CD8B2: variants seen among roughly 807,000 people sequenced by gnomAD.
CD8B2 encodes the protein T-cell surface glycoprotein CD8 beta-2 chain.
Under a neutral mutation model 23.7 loss-of-function variants are expected in CD8B2, and 11 were observed. That is an observed-to-expected ratio of 0.46 (90% CI 0.29 to 0.77). The LOEUF (loss-of-function observed/expected upper bound fraction) is 0.77, where lower values mean the gene tolerates loss of function less well. Among genes scored for constraint, CD8B2 ranks in the 30% least tolerant of loss-of-function variants. CD8B2 has a pLI of 0.09. For missense variants in CD8B2, 197 were observed against 270.5 expected (o/e 0.73, Z 1.91); for synonymous variants, 90 against 109.3 (o/e 0.82, Z 1.10).
At chr2:106,536,030 C>CTTTTTTT (rs869103310) in intron 5 of CD8B2, among the ~76,000 whole-genome samples, 8 of 123,890 alleles carry the variant, frequency 6.5e-5, no homozygotes, top group African/African-American at 2.1e-4. Context: ...GCCACACACA[C>CTTTTTTT]TTTTTTTTTT....
chr2:106,503,265 A>G (rs1210341430), intron 4 of CD8B2, among the ~76,000 whole-genome samples: 1 of 152,168 alleles, frequency 6.6e-6, no homozygotes, highest in African/African-American at 2.4e-5. Flanking sequence ...CTCTCTGCGC[A>G]TCTATAAAGT....
At chr2:106,525,182 G>A (rs1335164419) in intron 5 of CD8B2, among the ~76,000 whole-genome samples, 1 of 152,104 alleles carries the variant, frequency 6.6e-6, no homozygotes, top group Non-Finnish European at 1.5e-5. Context: ...GCAATCAATG[G>A]GCCCAGGGTT....
chr2:106,496,664 A>C (rs1380884158), intron 3 of CD8B2, among the ~76,000 whole-genome samples: 1 of 151,994 alleles, frequency 6.6e-6, no homozygotes, highest in African/African-American at 2.4e-5. Context: ...AGTCACAAAA[A>C]TCCATATACT....
rs1363989964 is a variant in CD8B2, at chr2:106,504,341, G to A, written c.620+16G>A. 10 of 1,555,752 alleles carry A rather than the reference G, an allele frequency of 6.4e-6. No individual in the cohort carries two copies. The East Asian group carries it at 1.5e-4, about 23-fold the overall frequency. The stretch of plus-strand genomic sequence containing the variant: ...TCATGAAACAGTAAGTGTATAACCT[G>A]GGTGTGGCCTTGGGTTCCTCAGCCC... On this transcript the variant is annotated intron_variant, in intron 5 of 5. Coordinates refer to ENST00000643224, the MANE Select transcript of CD8B2 (RefSeq NM_001349727.2).
chr2:106,535,159 C>A (rs1227563711), intron 5 of CD8B2: 1 of 152,226 alleles, frequency 6.6e-6, no homozygotes, highest in Non-Finnish European at 1.5e-5. Flanking sequence ...CCAACGGTAC[C>A]TTTTGGAAAA....
chr2:106,489,647 G>A (rs1679153815), intron 1 of CD8B2, among the ~76,000 whole-genome samples: 1 of 152,194 alleles, frequency 6.6e-6, no homozygotes, highest in Admixed American at 6.5e-5. Flanking sequence ...CAGCCTTGGT[G>A]TGTATGGAAC....
chr2:106,487,798 G>A (rs545155142), intron 1 of CD8B2, among the ~76,000 whole-genome samples: 1 of 152,342 alleles, frequency 6.6e-6, no homozygotes, highest in East Asian at 1.9e-4. Flanking sequence ...GAAGGAAACA[G>A]GTCCCTGCCC....
At chr2:106,514,924 G>A (rs1380353939), downstream of CD8B2, among the ~76,000 whole-genome samples, 4 of 152,214 alleles carry the variant, frequency 2.6e-5, no homozygotes, top group African/African-American at 9.6e-5. Context: ...ATGTCACTGA[G>A]TGAGTAAAAA....
intron 5 of CD8B2, among the ~76,000 whole-genome samples, chr2:106,541,273 G>T (rs560671488): frequency 6.6e-6 from 1 of 152,218 alleles, no homozygotes; most frequent in Admixed American, 6.5e-5. Context: ...TCTCTTGTTG[G>T]TGGTTAGTGA....
At chr2:106,494,917 A>G (rs1679268704) in intron 2 of CD8B2, among the ~76,000 whole-genome samples, 1 of 152,152 alleles carries the variant, frequency 6.6e-6, no homozygotes, top group Non-Finnish European at 1.5e-5. Context: ...AGGAAAACCA[A>G]TCCCCAAATA....
At chr2:106,512,474 G>GGTGT (rs370878562), downstream of CD8B2, among the ~76,000 whole-genome samples, 3,267 of 150,770 alleles carry the variant, frequency 0.022, 51 homozygotes, top group Non-Finnish European at 0.03. Context: ...CTCTTCCTTG[G>GGTGT]GTGTGTGTGT....
intron 5 of CD8B2, among the ~76,000 whole-genome samples, chr2:106,534,308 T>C (rs902694581): frequency 3.9e-5 from 6 of 152,124 alleles, no homozygotes; most frequent in African/African-American, 7.2e-5. Context: ...TGTTGGTCCA[T>C]AGAACAACTT....
intron 5 of CD8B2, among the ~76,000 whole-genome samples, chr2:106,539,926 G>A (rs944145958): frequency 2.0e-5 from 3 of 152,100 alleles, no homozygotes; most frequent in Non-Finnish European, 2.9e-5. Flanking sequence ...CTTCCTGATC[G>A]TTAAATCTAT....
rs1393874930 is a variant in CD8B2, at chr2:106,507,448, C to T, written c.*508C>T. On this transcript the variant is annotated 3_prime_UTR_variant, in exon 6 of 6. Transcript: ENST00000643224. ...GCTTGCTGAGAGGGGCTGTCCAGTT[C>T]CCAGAAGCCATGTCAGTCTCTGAGG... The T allele has an allele frequency of 2.0e-6, 2 of 985,662 alleles. No homozygotes were observed. The highest frequency in any genetic ancestry group is 3.5e-5 in the African/African-American group (2 of 57,244). 61.1% of individuals were successfully genotyped at this position (985,662 alleles called of 1,614,324 possible). A position where few individuals can be genotyped will look rare whatever the true frequency, so the allele number is the denominator to read the frequency against.
intron 5 of CD8B2, among the ~76,000 whole-genome samples, chr2:106,519,411 T>C (rs1158775338): frequency 6.6e-6 from 1 of 152,202 alleles, no homozygotes; most frequent in Admixed American, 6.5e-5. Flanking sequence ...TGGCCAGTTA[T>C]TTTCTTAATT....
At chr2:106,532,213 C>T (rs191815259) in intron 5 of CD8B2, among the ~76,000 whole-genome samples, 5 of 152,182 alleles carry the variant, frequency 3.3e-5, no homozygotes, top group African/African-American at 9.7e-5. Flanking sequence ...AATCCCATTA[C>T]GACTGGTTGT....
Position 106,507,219 on chromosome 2 carries a change from C to T in CD8B2, c.*279C>T. 1 of 1,243,242 alleles carries T rather than the reference C, an allele frequency of 8.0e-7. No homozygotes were observed. The highest frequency in any genetic ancestry group is 1.0e-6 in the Non-Finnish European group (1 of 988,368). 77.0% of individuals were successfully genotyped at this position (1,243,242 alleles called of 1,614,324 possible). A position where few individuals can be genotyped will look rare whatever the true frequency, so the allele number is the denominator to read the frequency against. On this transcript the variant is annotated 3_prime_UTR_variant, in exon 6 of 6. Coordinates refer to ENST00000643224, the MANE Select transcript of CD8B2 (RefSeq NM_001349727.2). ...GTAAGAAATGCTGCCCATGCCACCGCTTCCGGCTCCTGTGCTTTCCCTGAG... is the reference window on the plus strand; with the variant it reads ...GTAAGAAATGCTGCCCATGCCACCGTTTCCGGCTCCTGTGCTTTCCCTGAG...
chr2:106,542,830 A>T (rs974961213), intron 5 of CD8B2, among the ~76,000 whole-genome samples: 2 of 151,958 alleles, frequency 1.3e-5, no homozygotes, highest in African/African-American at 4.8e-5. Flanking sequence ...TGTATAAGTG[A>T]ATACATGTGC....
chr2:106,493,605 G>A (rs796689316), intron 2 of CD8B2, among the ~76,000 whole-genome samples: 51 of 152,250 alleles, frequency 3.3e-4, no homozygotes, highest in African/African-American at 1.1e-3. Flanking sequence ...GGCCAGGCTC[G>A]TTGCACCCTC....
Sources: gnomAD v4.1 joint callset for allele counts (sites outside exome capture counted in the v4.1 genomes callset) on GRCh38, gnomAD v4.1.1 for gene constraint, MANE v1.5 for transcripts, NCBI Gene and HGNC (gene_info 2026-07-23, HGNC 2026-07-21) for gene names.